The following PLEKHH1 variants were observed in gnomAD, a reference collection of about 807,000 sequenced individuals.
The protein encoded by PLEKHH1 is pleckstrin homology domain-containing family H member 1.
A neutral mutation model predicts 160.0 loss-of-function variants in PLEKHH1; 104 were observed. The observed-to-expected ratio is 0.65, with a 90% CI of 0.55 to 0.76. PLEKHH1 has a LOEUF of 0.76. PLEKHH1 is among the 30% of genes least tolerant of loss of function. The probability of loss-of-function intolerance (pLI) is 0.00; values close to 1 mark genes in which losing one functional copy is unlikely to be tolerated. For synonymous variants in PLEKHH1, 619 were observed against 678.4 expected (o/e 0.91, Z 1.36); for missense variants, 1,427 against 1,724.1 (o/e 0.83, Z 3.05).
At chr14:67,545,657 C>T (rs931212918) in intron 2 of PLEKHH1, among the ~76,000 whole-genome samples, 2 of 152,068 alleles carry the variant, frequency 1.3e-5, no homozygotes, top group Non-Finnish European at 2.9e-5. Context: ...TTCTAAATGT[C>T]CATCAACAGA....
rs753605444 is a variant in PLEKHH1 at position 67,579,177 on chromosome 14, G to GA, written c.2894dup (p.Arg966AlafsTer24). The GA allele has an allele frequency of 6.2e-7, 1 of 1,608,186 alleles. No individual in the cohort carries two copies. The highest frequency in any genetic ancestry group is 1.7e-5 in the Admixed American group (1 of 57,802). ...TGCCACCTACTGCCAGCGGGCAGTG[G>GA]AGCGGACCCTGCGGACCGGGGAGCG... On this transcript the variant is annotated frameshift_variant, in exon 21 of 29. Coordinates refer to ENST00000329153, the MANE Select transcript of PLEKHH1 (RefSeq NM_020715.3). LOFTEE classifies it high-confidence loss of function.
At position 67,574,407 on chromosome 14, in the gene PLEKHH1, G is replaced by C. The variant is rs1555400; in HGVS notation, c.2088+4G>C. On this transcript the variant is annotated splice_donor_region_variant and intron_variant, in intron 14 of 28. Transcript: ENST00000329153. This position sits in a 1 kb window ranked among gnomAD's most constrained non-coding sequence, Gnocchi z 4.2. ...CGTGAAGGGCTGGCTGACCAAGGTA[G>C]AGGGTGGGGCTGATAGGGCAGGAAC... 0.53 allele frequency: 813,516 copies of C among 1,547,608 alleles called. 214,926 individuals are homozygous for C. Among genetic ancestry groups the C allele is most frequent in the Middle Eastern group, 0.61 (3,581 of 5,840 alleles).
Position 67,582,040 on chromosome 14 carries a change from G to A in PLEKHH1, c.3285-29G>A, listed in dbSNP as rs770270759. 3.1e-6 allele frequency: 5 copies of A among 1,595,662 alleles called. No individual in the cohort carries two copies. Among genetic ancestry groups the A allele is most frequent in the Non-Finnish European group, 4.3e-6 (5 of 1,171,000 alleles). On this transcript the variant is annotated intron_variant, in intron 23 of 28. Transcript: ENST00000329153. The surrounding 1 kb of genome is among the most constrained non-coding windows in gnomAD (Gnocchi z 5.0). ...CATCCCTGTTTGGAATCCCTGCTGA[G>A]TCCTGGTTTCTTATTCTCTTCTTTG...
At chr14:67,541,712 G>C in intron 1 of PLEKHH1, 122 bp from the exon 2 acceptor site, 2 of 623,032 alleles carry the variant, frequency 3.2e-6, no homozygotes, top group Non-Finnish European at 5.2e-6. Flanking sequence ...CTCTTCCCCA[G>C]CCCTGTTTTC....
chr14:67,572,289 A>T lies in PLEKHH1; in HGVS notation c.1728+12A>T. 5 of 1,581,534 alleles carry T rather than the reference A, an allele frequency of 3.2e-6. No individual in the cohort carries two copies. The highest frequency in any genetic ancestry group is 4.3e-6 in the Non-Finnish European group (5 of 1,167,718). ...TGGGCCTGGGCGGGGTGAGCCGGGAAACGGGCGGGGGCAGGGTGGAAGCAG... is the reference window on the plus strand; with the variant it reads ...TGGGCCTGGGCGGGGTGAGCCGGGATACGGGCGGGGGCAGGGTGGAAGCAG... On this transcript the variant is annotated intron_variant, in intron 11 of 28. Coordinates refer to ENST00000329153, the MANE Select transcript of PLEKHH1 (RefSeq NM_020715.3).
At chr14:67,569,071 A>G in intron 7 of PLEKHH1, 67 bp from the exon 8 acceptor site, 1 of 1,095,136 alleles carries the variant, frequency 9.1e-7, no homozygotes, top group Non-Finnish European at 1.4e-6. Flanking sequence ...TTTTTCCTGC[A>G]CATGCCTGGA....
At position 67,573,321 on chromosome 14, in the gene PLEKHH1, G is replaced by A. The variant is rs554219380; in HGVS notation, c.1774G>A (p.Val592Met). ...SGYLLKMGSQVKTWKRRWFVL... is the reference protein window; with the variant it reads ...SGYLLKMGSQMKTWKRRWFVL... ...CTACCTGCTGAAAATGGGGAGCCAG[G>A]TGAAGACGTGGAAGAGGCGCTGGTT... The change falls in exon 12 of 29, where the codon GTG becomes ATG. Residue 592 changes from valine to methionine, a missense_variant. Physicochemically the swap from Val to Met is conservative, Grantham distance 21 (BLOSUM62 1). Transcript: ENST00000329153. The surrounding 1 kb of genome is among the most constrained non-coding windows in gnomAD (Gnocchi z 4.8). The A allele has an allele frequency of 6.0e-5, 97 of 1,613,854 alleles. 1 individual carries two copies. The South Asian group carries it at 8.5e-4, about 14-fold the overall frequency.
intron 28 of PLEKHH1, chr14:67,586,411 C>G: frequency 7.5e-7 from 1 of 1,338,302 alleles, no homozygotes; most frequent in South Asian, 1.2e-5. Context: ...ACGTGCTCTT[C>G]TCTTCCTTGC....
chr14:67,552,893 T>C (rs1018572745), intron 2 of PLEKHH1, among the ~76,000 whole-genome samples: 24 of 152,084 alleles, frequency 1.6e-4, no homozygotes, highest in Non-Finnish European at 2.6e-4. Flanking sequence ...CTCTGAAAAG[T>C]GCCTTGCCAT....
intron 7 of PLEKHH1, among the ~76,000 whole-genome samples, chr14:67,567,484 T>C (rs17185014): frequency 0.032 from 4,879 of 152,258 alleles, 112 homozygotes; most frequent in African/African-American, 0.05. Flanking sequence ...ATGACCACTC[T>C]GGGCAGAAAT....
intron 7 of PLEKHH1, among the ~76,000 whole-genome samples, chr14:67,563,955 G>A (rs1436528221): frequency 6.7e-6 from 1 of 150,290 alleles, no homozygotes; most frequent in Non-Finnish European, 1.5e-5. Context: ...AGGCTGGAGT[G>A]CAGTGGCACA....
intron 3 of PLEKHH1, among the ~76,000 whole-genome samples, chr14:67,556,135 G>T (rs2034583319): frequency 1.3e-5 from 2 of 152,230 alleles, no homozygotes; most frequent in South Asian, 4.1e-4. Flanking sequence ...AGTCTCAGTG[G>T]TTTATCACAT....
Position 67,582,173 on chromosome 14 carries a change from A to T in PLEKHH1, c.3389A>T (p.Lys1130Met), listed in dbSNP as rs2035934142. The T allele has an allele frequency of 1.2e-6, 2 of 1,613,640 alleles. No individual in the cohort carries two copies. Residue 1130 changes from lysine to methionine, a missense_variant, in exon 24 of 29, where the codon AAG becomes ATG. Around this residue, in one of 6 missense-constraint regions of PLEKHH1, gnomAD observed 436 missense variants for 607.5 expected, o/e 0.72. Transcript: ENST00000329153. The surrounding 1 kb of genome is among the most constrained non-coding windows in gnomAD (Gnocchi z 5.0). ...EIVAGRFPIN[K>M]ELALEMAALM... The stretch of plus-strand genomic sequence containing the variant: ...GTGGCAGGGAGGTTTCCTATCAACA[A>T]GGAATTGGCTCTTGAGATGGCTGCC...
intron 2 of PLEKHH1, among the ~76,000 whole-genome samples, chr14:67,547,895 G>A (rs1050889022): frequency 6.6e-6 from 1 of 152,202 alleles, no homozygotes; most frequent in African/African-American, 2.4e-5. Context: ...CCGGATGAAG[G>A]GAGAGGAGAG....
chr14:67,549,144 A>G (rs866277166), intron 2 of PLEKHH1, among the ~76,000 whole-genome samples: 1 of 152,182 alleles, frequency 6.6e-6, no homozygotes, highest in Non-Finnish European at 1.5e-5. Context: ...TTTGCATAAA[A>G]TCATCATGGA....
chr14:67,579,969 G>C (rs2035814274), intron 22 of PLEKHH1, 93 bp downstream of exon 22: 1 of 1,233,794 alleles, frequency 8.1e-7, no homozygotes, highest in African/African-American at 1.5e-5. Flanking sequence ...CTGACTGTTT[G>C]GTAGCTCATT....
chr14:67,561,647 C>G (rs535382034), intron 5 of PLEKHH1, among the ~76,000 whole-genome samples: 1 of 152,146 alleles, frequency 6.6e-6, no homozygotes, highest in East Asian at 1.9e-4. Flanking sequence ...GTGGGCAGAT[C>G]GTTTGAGTCC....
chr14:67,562,594 G>A lies in PLEKHH1; in HGVS notation c.963G>A (p.Pro321=), dbSNP rs151018173. Residue 321 remains proline, a synonymous_variant, in exon 7 of 29, where the codon CCG becomes CCA. Coordinates refer to ENST00000329153, the MANE Select transcript of PLEKHH1 (RefSeq NM_020715.3). The stretch of plus-strand genomic sequence containing the variant: ...CAAAGGTGCGGGCTCCTGGCACCCC[G>A]CGGGACAGCATCCAGTTGGCCAAAA... ...TLPKVRAPGT[P]RDSIQLAKRH... is the part of the protein sequence containing the mutation. The A allele has an allele frequency of 6.5e-5, 105 of 1,612,854 alleles. 1 individual carries two copies. Among genetic ancestry groups the A allele is most frequent in the South Asian group, 3.6e-4 (33 of 90,844 alleles).
At chr14:67,572,769 G>T (rs948783378) in intron 11 of PLEKHH1, among the ~76,000 whole-genome samples, 1 of 152,062 alleles carries the variant, frequency 6.6e-6, no homozygotes, top group Non-Finnish European at 1.5e-5. Context: ...ATGTAATTCC[G>T]CATCCCTCGC....
Sources: gnomAD v4.1 joint callset for allele counts (sites outside exome capture counted in the v4.1 genomes callset) on GRCh38, gnomAD v4.1.1 for gene constraint, gnomAD v4.1.1 regional missense constraint, Gnocchi (gnomAD v3.1) non-coding constraint, MANE v1.5 for transcripts, NCBI Gene and HGNC (gene_info 2026-07-23, HGNC 2026-07-21) for gene names.